Variants in COG2 observed in about 807,000 individuals in gnomAD.
COG2 encodes the protein conserved oligomeric Golgi complex subunit 2.
A neutral mutation model predicts 90.6 loss-of-function variants in COG2; 52 were observed. The observed-to-expected ratio is 0.57, with a 90% CI of 0.46 to 0.72. COG2 has a LOEUF of 0.72. Among genes scored for constraint, COG2 ranks in the 30% least tolerant of loss-of-function variants. The probability of loss-of-function intolerance (pLI) is 0.00; values close to 1 mark genes in which losing one functional copy is unlikely to be tolerated. For synonymous variants in COG2, 337 were observed against 320.4 expected (o/e 1.05, Z -0.55); for missense variants, 829 against 891.2 (o/e 0.93, Z 0.89).
chr1:230,681,114 T>G (rs2102767981), intron 10 of COG2: 1 of 152,306 alleles, frequency 6.6e-6, no homozygotes, highest in East Asian at 1.9e-4. Context: ...CCCCACTGTG[T>G]CTACATTTCA....
intron 11 of COG2, chr1:230,684,413 T>G (rs1467627337): frequency 6.6e-6 from 1 of 152,442 alleles, no homozygotes; most frequent in African/African-American, 2.4e-5. Context: ...CCGCCCATCC[T>G]AGGATGTTGG....
chr1:230,682,230 T>C (rs529042988), intron 10 of COG2: 2 of 152,318 alleles, frequency 1.3e-5, no homozygotes, highest in African/African-American at 4.8e-5. Flanking sequence ...TAACTTCCTA[T>C]ATTTTGTTTA....
rs576629927 is a variant in COG2, at chr1:230,662,029, C to T, written c.301-1112C>T. Among the ~76,000 whole-genome samples the T allele has an allele frequency of 8.6e-5, 13 of 151,984 alleles. 1 individual carries two copies. Among genetic ancestry groups the T allele is most frequent in the African/African-American group, 3.1e-4 (13 of 41,444 alleles). ...AGCCCTCAGTCCTCAGCCCTCTCCT[C>T]TCCCTCCTCTCCTCTCCTCTTCTCT... On this transcript the variant is annotated intron_variant, in intron 3 of 17. Coordinates refer to ENST00000366669, the MANE Select transcript of COG2 (RefSeq NM_007357.3).
At chr1:230,653,382 G>A (rs1661963547) in intron 1 of COG2, among the ~76,000 whole-genome samples, 1 of 151,614 alleles carries the variant, frequency 6.6e-6, no homozygotes, top group African/African-American at 2.4e-5. Flanking sequence ...CACCACGCCG[G>A]GCTAATTTTT....
At chr1:230,689,298 C>T (rs928809688) in intron 15 of COG2, among the ~76,000 whole-genome samples, 1 of 152,136 alleles carries the variant, frequency 6.6e-6, no homozygotes, top group African/African-American at 2.4e-5. Context: ...TAATTATTGT[C>T]TGATTTGAAG....
intron 1 of COG2, among the ~76,000 whole-genome samples, chr1:230,652,942 AATAATTACCATAAT>A (rs1394439648): frequency 2.6e-5 from 4 of 152,198 alleles, no homozygotes; most frequent in African/African-American, 9.6e-5. Context: ...TACATTGTGA[AATAATTACCATAAT>A]CAAGGTAATG....
chr1:230,652,647 T>G (rs1263670581), intron 1 of COG2, among the ~76,000 whole-genome samples: 1 of 152,166 alleles, frequency 6.6e-6, no homozygotes, highest in Non-Finnish European at 1.5e-5. Context: ...CATTTTGCAT[T>G]CTTACCAGGA....
In COG2 at chr1:230,683,555, CTTCTTG is replaced by C. The variant is rs1399157515; in HGVS notation, c.1167-16_1167-11del. ...GTCAGAGTCATAAACATTAATTCTT[CTTCTTG>C]TTTTTATCTCAGATTTAGAGAAATA... On this transcript the variant is annotated splice_polypyrimidine_tract_variant and intron_variant, in intron 10 of 17. Coordinates refer to ENST00000366669, the MANE Select transcript of COG2 (RefSeq NM_007357.3). The C allele has an allele frequency of 4.6e-5, 72 of 1,581,372 alleles. No homozygotes were observed. Among genetic ancestry groups the C allele is most frequent in the Non-Finnish European group, 6.2e-5 (71 of 1,151,246 alleles).
chr1:230,642,705 C>G (rs763789468), intron 1 of COG2, 27 bp downstream of exon 1: 2 of 1,604,540 alleles, frequency 1.2e-6, no homozygotes, highest in South Asian at 1.1e-5. Flanking sequence ...CTCCCCGGAG[C>G]CGGGCCATGA....
chr1:230,692,786 GTTGTTA>G (rs1315959758), intron 17 of COG2, among the ~76,000 whole-genome samples: 10 of 83,862 alleles, frequency 1.2e-4, no homozygotes, highest in Middle Eastern at 6.5e-3. Context: ...GTGTGTGTGT[GTTGTTA>G]TTGTCGTTTT....
chr1:230,686,078 C>T (rs1662878349), intron 12 of COG2, among the ~76,000 whole-genome samples: 1 of 152,150 alleles, frequency 6.6e-6, no homozygotes, highest in Non-Finnish European at 1.5e-5. Context: ...CAAACGTTGG[C>T]TCTTTAACTT....
At position 230,690,292 on chromosome 1, in the gene COG2, G is replaced by A. The variant is rs527262345; in HGVS notation, c.1934+139G>A. The A allele has an allele frequency of 6.9e-6, 5 of 721,760 alleles. No individual in the cohort carries two copies. The African/African-American group carries it at 7.3e-5, about 11-fold the overall frequency. The allele number at this position is 721,760 out of a possible 1,614,324, so 44.7% of individuals were successfully genotyped here. ...CTTCACTGGATTAGTCAGAGTGTGT[G>A]TCCCACTGTTTGCTTCCTCCCTCCC... On this transcript the variant is annotated intron_variant, in intron 16 of 17. Coordinates refer to ENST00000366669, the MANE Select transcript of COG2 (RefSeq NM_007357.3).
At chr1:230,692,568 A>G (rs1663057496) in intron 17 of COG2, among the ~76,000 whole-genome samples, 1 of 152,210 alleles carries the variant, frequency 6.6e-6, no homozygotes, top group South Asian at 2.1e-4. Flanking sequence ...AGAAACGTGA[A>G]GAGCCAATGA....
rs1193642429 is a variant in COG2, at chr1:230,659,700, G to A, written c.234+75G>A. 3.4e-6 allele frequency: 5 copies of A among 1,476,544 alleles called. No individual in the cohort carries two copies. The East Asian group carries it at 6.9e-5, about 20-fold the overall frequency. The allele number at this position is 1,476,544 out of a possible 1,614,324, so 91.5% of individuals were successfully genotyped here. A position where few individuals can be genotyped will look rare whatever the true frequency, so the allele number is the denominator to read the frequency against. On this transcript the variant is annotated intron_variant, in intron 2 of 17. Transcript: ENST00000366669. ...ACTCATACTTATTCTTAGAAGTGTT[G>A]TGTGTTTTTAGAAACCTTTTAGTTG...
chr1:230,642,749 T>A, intron 1 of COG2, 71 bp downstream of exon 1: 1 of 1,456,016 alleles, frequency 6.9e-7, no homozygotes, highest in South Asian at 1.2e-5. Flanking sequence ...TGTGGCGGTC[T>A]CTTCGGTCGG....
At chr1:230,659,668 C>T in intron 2 of COG2, 43 bp downstream of exon 2, 1 of 1,575,402 alleles carries the variant, frequency 6.3e-7, no homozygotes, top group East Asian at 2.2e-5. Context: ...CATACAATTT[C>T]TTTCTCACTC....
chr1:230,677,514 A>G (rs906551133), intron 9 of COG2, among the ~76,000 whole-genome samples: 1 of 152,210 alleles, frequency 6.6e-6, no homozygotes, highest in African/African-American at 2.4e-5. Context: ...TTTTCAATAA[A>G]TTTTATAGCA....
intron 1 of COG2, among the ~76,000 whole-genome samples, chr1:230,653,943 G>A (rs1411993522): frequency 6.6e-6 from 1 of 151,534 alleles, no homozygotes; most frequent in Non-Finnish European, 1.5e-5. Flanking sequence ...ACTTCTTAAA[G>A]GTATCCTCTC....
At chr1:230,687,252 A>C in intron 13 of COG2, 120 bp downstream of exon 13, 14 of 712,380 alleles carry the variant, frequency 2.0e-5, no homozygotes, top group Non-Finnish European at 2.6e-5. Flanking sequence ...ACCCGTGGGT[A>C]CCCCAAGAGA....
Sources: gnomAD v4.1 joint callset for allele counts (sites outside exome capture counted in the v4.1 genomes callset) on GRCh38, gnomAD v4.1.1 for gene constraint, MANE v1.5 for transcripts, NCBI Gene and HGNC (gene_info 2026-07-23, HGNC 2026-07-21) for gene names.